RELA: variants seen among roughly 807,000 people sequenced by gnomAD.
RELA encodes the protein transcription factor p65.
In RELA, 14 loss-of-function variants were observed where a neutral mutation model predicts 56.7. The observed-to-expected ratio is 0.25, with a 90% confidence interval of 0.16 to 0.39. The LOEUF (loss-of-function observed/expected upper bound fraction) is 0.39, where lower values mean the gene tolerates loss of function less well. Ranked by LOEUF, RELA falls within the 10% of genes least tolerant of loss-of-function variation. RELA has a pLI of 1.00. For synonymous variants in RELA, 315 were observed against 289.7 expected, an observed-to-expected ratio of 1.09 and a Z score of -0.89; for missense variants, 559 against 736.4, an observed-to-expected ratio of 0.76 and a Z score of 2.79.
In RELA at chr11:65,662,206, C is replaced by A. The variant is rs1330402313; in HGVS notation, c.8-1G>T. The A allele has an allele frequency of 6.4e-7, 1 of 1,571,622 alleles. No individual in the cohort carries two copies. The highest frequency in any genetic ancestry group is 8.6e-7 in the Non-Finnish European group (1 of 1,164,314). Reference sequence around the variant, plus strand: ...GCCGGGAAGATGAGGGGGAACAGTTCTGAAAGGGGAGGGAGATCAGGGTCA... The same window carrying A: ...GCCGGGAAGATGAGGGGGAACAGTTATGAAAGGGGAGGGAGATCAGGGTCA... On this transcript the variant is annotated splice_acceptor_variant, in intron 1 of 10. Coordinates refer to ENST00000406246, the MANE Select transcript of RELA (RefSeq NM_021975.4). LOFTEE classifies it high-confidence loss of function.
intron 8 of RELA, among the ~76,000 whole-genome samples, chr11:65,656,579 G>T (rs1856434752): frequency 6.6e-6 from 1 of 152,178 alleles, no homozygotes; most frequent in Non-Finnish European, 1.5e-5. Flanking sequence ...CTCCCCGCCA[G>T]TAACTTGACA....
intron 5 of RELA, 57 bp from the exon 6 acceptor site, chr11:65,659,854 A>G (rs1302719580): frequency 6.4e-7 from 1 of 1,558,884 alleles, no homozygotes; most frequent in Non-Finnish European, 8.7e-7. Flanking sequence ...AGGTGCTATC[A>G]GTGGGGGCAG....
intron 5 of RELA, 135 bp from the exon 6 acceptor site, chr11:65,659,932 G>T (rs1040469239): frequency 4.7e-6 from 6 of 1,271,860 alleles, no homozygotes; most frequent in African/African-American, 4.4e-5. Context: ...GCAGAACCCA[G>T]CACTGACTCC....
chr11:65,658,818 G>A lies in RELA; in HGVS notation c.564C>T (p.Ala188=). 6.2e-7 allele frequency: 1 copy of A among 1,613,778 alleles called. No individual in the cohort carries two copies. Among genetic ancestry groups the A allele is most frequent in the Non-Finnish European group, 8.5e-7 (1 of 1,179,858 alleles). Residue 188 remains alanine, a synonymous_variant, in exon 7 of 11, where the codon GCC becomes GCT. Coordinates refer to ENST00000406246, the MANE Select transcript of RELA (RefSeq NM_021975.4). The surrounding 1 kb of genome is among the most constrained non-coding windows in gnomAD (Gnocchi z 4.5). ...VLSHPIFDNR[A]PNTAELKICR... ...AGATCTTGAGCTCGGCAGTGTTGGG[G>A]GCACCTGAGGCAGTGAAAACAAGGG...
In RELA at chr11:65,659,697, C is replaced by T. The variant is rs778233745; in HGVS notation, c.528G>A (p.Pro176=). ...CAAAGATGGGATGAGAAAGGACAGG[C>T]GGCAGGCGGAGGGGCCTGCCTGATG... The part of the protein sequence containing the change: ...RDPSGRPLRL[P]PVLSHPIFDN... Residue 176 remains proline (P), a synonymous_variant, in exon 6 of 11, where the codon CCG becomes CCA. Transcript: ENST00000406246. 38 of 1,613,706 alleles carry T rather than the reference C, an allele frequency of 2.4e-5. No homozygotes were observed. The highest frequency in any genetic ancestry group is 1.6e-4 in the Middle Eastern group (1 of 6,066).
chr11:65,660,367 C>A, intron 4 of RELA, 152 bp from the exon 5 acceptor site: 1 of 672,754 alleles, frequency 1.5e-6, no homozygotes, highest in Non-Finnish European at 2.6e-6. Flanking sequence ...GCAACGAACC[C>A]TGTCCCTTCA....
intron 4 of RELA, 76 bp downstream of exon 4, chr11:65,661,611 G>GT (rs1379872380): frequency 3.6e-6 from 5 of 1,396,698 alleles, no homozygotes; most frequent in Non-Finnish European, 4.9e-6. Flanking sequence ...CCAGAAAGGA[G>GT]TAACACTGTA....
At chr11:65,662,624 A>G in intron 1 of RELA, 1 of 381,118 alleles carries the variant, frequency 2.6e-6, no homozygotes, top group Non-Finnish European at 4.5e-6. Context: ...ATGCTGAGTC[A>G]AGGGCCACCC....
chr11:65,663,341 C>T (rs1856622741), upstream of RELA, among the ~76,000 whole-genome samples: 1 of 152,208 alleles, frequency 6.6e-6, no homozygotes, highest in Admixed American at 6.5e-5. Flanking sequence ...GGTTGAACTC[C>T]GCGCGGGTTT....
chr11:65,656,754 G>C (rs1388705203), intron 8 of RELA, among the ~76,000 whole-genome samples: 10 of 152,208 alleles, frequency 6.6e-5, no homozygotes, highest in Non-Finnish European at 1.3e-4. Flanking sequence ...GCCAGGCGTG[G>C]TGGCTCACGC....
intron 8 of RELA, among the ~76,000 whole-genome samples, chr11:65,657,841 A>G (rs1856469854): frequency 6.6e-6 from 1 of 152,226 alleles, no homozygotes; most frequent in African/African-American, 2.4e-5. Flanking sequence ...TATTCACAAT[A>G]CCTGGCACAG....
chr11:65,659,957 G>A, intron 5 of RELA, 160 bp from the exon 6 acceptor site: 1 of 1,173,542 alleles, frequency 8.5e-7, no homozygotes, highest in Non-Finnish European at 1.2e-6. Context: ...TGGCCTGAAT[G>A]TCATGTCCCC....
chr11:65,653,606 T>C lies in RELA; in HGVS notation c.*772A>G, dbSNP rs1016203638. 6.6e-6 allele frequency: 1 copy of C among 152,382 alleles called. No homozygotes were observed. The highest frequency in any genetic ancestry group is 1.5e-5 in the Non-Finnish European group (1 of 68,088). The allele number at this position is 152,382 out of a possible 1,614,324, so 9.4% of individuals were successfully genotyped here. A position where few individuals can be genotyped will look rare whatever the true frequency, so the allele number is the denominator to read the frequency against. On this transcript the variant is annotated 3_prime_UTR_variant, in exon 11 of 11. Transcript: ENST00000406246. ...GAAAAAAAGCGGATCTCTAGCCAGC[T>C]TGGCAACAGATTTATTAGTTCAGAG...
chr11:65,659,656 CG>C lies in RELA; in HGVS notation c.559+9del. The C allele has an allele frequency of 6.2e-7, 1 of 1,613,316 alleles. No individual in the cohort carries two copies. Among genetic ancestry groups the C allele is most frequent in the Non-Finnish European group, 8.5e-7 (1 of 1,179,980 alleles). On this transcript the variant is annotated intron_variant, in intron 6 of 10. Transcript: ENST00000406246. ...CCCTCTCCCCTTCCTGCGTCTCCCT[CG>C]CTACTCACGATTGTCAAAGATGGGA...
At chr11:65,660,406 G>A in intron 4 of RELA, 191 bp from the exon 5 acceptor site, 2 of 602,806 alleles carry the variant, frequency 3.3e-6, no homozygotes, top group Non-Finnish European at 5.9e-6. Context: ...CCGTGCCCCT[G>A]CCCCTGCCAG....
In RELA at chr11:65,658,222, A is replaced by T. The variant is rs1856478052; in HGVS notation, c.877+65T>A. 1.6e-6 allele frequency: 2 copies of T among 1,235,504 alleles called. No individual in the cohort carries two copies. Among genetic ancestry groups the T allele is most frequent in the East Asian group, 5.2e-5 (2 of 38,678 alleles). The allele number at this position is 1,235,504 out of a possible 1,614,324, so 76.5% of individuals were successfully genotyped here. Reference sequence around the variant, plus strand: ...CCCTCAACCACAGCCCCAGACATGCAGTCTTGGCCTCTCTCTCACGGCACA... The same window carrying T: ...CCCTCAACCACAGCCCCAGACATGCTGTCTTGGCCTCTCTCTCACGGCACA... On this transcript the variant is annotated intron_variant, in intron 8 of 10. Transcript: ENST00000406246. The surrounding 1 kb of genome is among the most constrained non-coding windows in gnomAD (Gnocchi z 4.5).
intron 4 of RELA, among the ~76,000 whole-genome samples, chr11:65,661,122 C>T (rs1224968450): frequency 6.6e-6 from 1 of 152,000 alleles, no homozygotes; most frequent in Non-Finnish European, 1.5e-5. Context: ...GCAGCAGTGA[C>T]CTCCTGGGCT....
chr11:65,660,756 G>A lies in RELA; in HGVS notation c.336-541C>T, dbSNP rs938292425. On this transcript the variant is annotated intron_variant, in intron 4 of 10. Coordinates refer to ENST00000406246, the MANE Select transcript of RELA (RefSeq NM_021975.4). ...ATTTATTTTTAAGAGACACAGTGTC[G>A]GGCCGGGTGCGGTGGCTCAAGCCTG... 2.1e-4 allele frequency: 32 copies of A among 155,034 alleles called. 1 individual carries two copies. The highest frequency in any genetic ancestry group is 1.5e-3 in the South Asian group (8 of 5,462). 9.6% of individuals were successfully genotyped at this position (155,034 alleles called of 1,614,324 possible).
rs761767619 is a variant in RELA, at chr11:65,661,782, G to A, written c.240C>T (p.Asp80=). 27 of 1,613,808 alleles carry A rather than the reference G, an allele frequency of 1.7e-5. No homozygotes were observed. Among genetic ancestry groups the A allele is most frequent in the African/African-American group, 4.0e-5 (3 of 74,894 alleles). Residue 80 remains aspartate (D), a synonymous_variant, in exon 4 of 11, where the codon GAC becomes GAT. Coordinates refer to ENST00000406246, the MANE Select transcript of RELA (RefSeq NM_021975.4). The part of the protein sequence containing the change: ...GTVRISLVTK[D]PPHRPHPHEL... ...CGTGGGGGTGAGGCCGGTGAGGAGG[G>A]TCCTTGGTGACCAGGGAGATGCGCA...
Sources: gnomAD v4.1 joint callset for allele counts (sites outside exome capture counted in the v4.1 genomes callset) on GRCh38, gnomAD v4.1.1 for gene constraint, Gnocchi (gnomAD v3.1) non-coding constraint, MANE v1.5 for transcripts, NCBI Gene and HGNC (gene_info 2026-07-23, HGNC 2026-07-21) for gene names.